The following ABCA1 variants were observed in gnomAD, a reference collection of about 807,000 sequenced individuals.
The protein encoded by ABCA1 is phospholipid-transporting ATPase ABCA1.
In ABCA1, 133 loss-of-function variants were observed where a neutral mutation model predicts 262.5. The observed-to-expected ratio is 0.51, with a 90% CI of 0.44 to 0.59. The LOEUF (loss-of-function observed/expected upper bound fraction) is 0.59, where lower values mean the gene tolerates loss of function less well. Ranked by LOEUF, ABCA1 falls within the 20% of genes least tolerant of loss-of-function variation. The pLI, the probability that ABCA1 is intolerant of heterozygous loss-of-function variation, is 0.00. For missense variants in ABCA1, 2,452 were observed against 2,777.5 expected (o/e 0.88, Z 2.63); for synonymous variants, 1,022 against 1,043.5 (o/e 0.98, Z 0.40).
chr9:104,913,691 C>T (rs1841637151), intron 1 of ABCA1, among the ~76,000 whole-genome samples: 1 of 152,188 alleles, frequency 6.6e-6, no homozygotes, highest in Admixed American at 6.5e-5. Flanking sequence ...TCTTGGGGGT[C>T]CTCACCACTC....
intron 1 of ABCA1, among the ~76,000 whole-genome samples, chr9:104,905,655 T>C (rs1841073368): frequency 1.3e-5 from 2 of 152,218 alleles, no homozygotes; most frequent in Non-Finnish European, 2.9e-5. Context: ...CAGAGCAGCA[T>C]TGTGAGACAC....
chr9:104,858,817 G>A (rs77943163), intron 6 of ABCA1, 119 bp from the exon 7 acceptor site: 17 of 1,011,418 alleles, frequency 1.7e-5, no homozygotes, highest in Admixed American at 1.3e-4. Flanking sequence ...CTTAAAACAG[G>A]TTCCATTGCA....
At chr9:104,845,640 G>C (rs1034879101) in intron 7 of ABCA1, 71 bp from the exon 8 acceptor site, 3 of 1,100,108 alleles carry the variant, frequency 2.7e-6, no homozygotes, top group Non-Finnish European at 4.1e-6. Flanking sequence ...AAATAAACAA[G>C]TGAATTAAAA....
At chr9:104,920,214 T>C (rs1842067899) in intron 1 of ABCA1, among the ~76,000 whole-genome samples, 2 of 152,226 alleles carry the variant, frequency 1.3e-5, no homozygotes, top group East Asian at 3.8e-4. Context: ...AAAATTTGGA[T>C]TATATGAGCC....
In ABCA1 at chr9:104,821,521, T is replaced by A; in HGVS notation, c.2829-15A>T. On this transcript the variant is annotated splice_polypyrimidine_tract_variant and intron_variant, in intron 19 of 49. Transcript: ENST00000374736. ...TCAGGATTGACCTGAGGACAAAAATTTAGAAGTACAGAAGTCAGGGTTGAC... is the reference window on the plus strand; with the variant it reads ...TCAGGATTGACCTGAGGACAAAAATATAGAAGTACAGAAGTCAGGGTTGAC... The A allele has an allele frequency of 6.2e-7, 1 of 1,613,556 alleles. No homozygotes were observed. Among genetic ancestry groups the A allele is most frequent in the Non-Finnish European group, 8.5e-7 (1 of 1,179,958 alleles).
chr9:104,829,318 G>C (rs1833057829), intron 14 of ABCA1, among the ~76,000 whole-genome samples, 180 bp from the exon 15 acceptor site: 1 of 152,240 alleles, frequency 6.6e-6, no homozygotes, highest in Non-Finnish European at 1.5e-5. Context: ...GCAATGTAGA[G>C]AGAAAAACGA....
chr9:104,923,719 A>G (rs904535324), intron 1 of ABCA1, among the ~76,000 whole-genome samples: 1 of 152,210 alleles, frequency 6.6e-6, no homozygotes, highest in Admixed American at 6.5e-5. Context: ...AACTAGGGAC[A>G]ATAAATGGTT....
intron 3 of ABCA1, among the ~76,000 whole-genome samples, chr9:104,888,058 G>GGGGT (rs1554744306): frequency 1.4e-5 from 2 of 140,304 alleles, no homozygotes; most frequent in African/African-American, 3.0e-5. Context: ...TTTCTTGAGG[G>GGGGT]GTGTGTGTGT....
chr9:104,807,847 C>T (rs5007363), intron 30 of ABCA1, among the ~76,000 whole-genome samples: 94,309 of 130,798 alleles, frequency 0.72, 32,762 homozygotes, highest in Non-Finnish European at 0.78. Flanking sequence ...TATATATATA[C>T]ACACACACAC....
intron 43 of ABCA1, 80 bp from the exon 44 acceptor site, chr9:104,791,108 C>A: frequency 1.1e-6 from 1 of 919,978 alleles, no homozygotes; most frequent in South Asian, 1.3e-5. Context: ...CTACCTCAAA[C>A]CTTCAATTCT....
At chr9:104,888,318 G>T (rs1180063302) in intron 3 of ABCA1, among the ~76,000 whole-genome samples, 1 of 152,126 alleles carries the variant, frequency 6.6e-6, no homozygotes, top group Non-Finnish European at 1.5e-5. Flanking sequence ...TGAAGTCCCA[G>T]CTACATTTCC....
chr9:104,883,918 T>A (rs1225255162), intron 4 of ABCA1, among the ~76,000 whole-genome samples: 5 of 152,234 alleles, frequency 3.3e-5, no homozygotes, highest in Non-Finnish European at 4.4e-5. Flanking sequence ...AGGGGCAGCA[T>A]CCTGCTTTGC....
chr9:104,874,905 G>A (rs1251426144), intron 5 of ABCA1, among the ~76,000 whole-genome samples: 4 of 151,362 alleles, frequency 2.6e-5, no homozygotes, highest in African/African-American at 4.8e-5. Flanking sequence ...CGCCCCGTCC[G>A]GGAGGTGGGG....
At chr9:104,816,018 G>T in intron 25 of ABCA1, 125 bp downstream of exon 25, 1 of 1,051,266 alleles carries the variant, frequency 9.5e-7, no homozygotes, top group Non-Finnish European at 1.5e-6. Context: ...ACATTAATCA[G>T]ATGTCGATGA....
At chr9:104,830,510 T>TGAA (rs1393646071) in intron 14 of ABCA1, among the ~76,000 whole-genome samples, 1 of 151,912 alleles carries the variant, frequency 6.6e-6, no homozygotes, top group Non-Finnish European at 1.5e-5. Flanking sequence ...GGTAACATGG[T>TGAA]GAAACCTCGT....
intron 7 of ABCA1, among the ~76,000 whole-genome samples, chr9:104,856,987 T>C (rs990346295): frequency 1.3e-5 from 2 of 152,124 alleles, no homozygotes; most frequent in Admixed American, 6.5e-5. Flanking sequence ...AAGATCCCTG[T>C]AGAGAAATAT....
intron 19 of ABCA1, 80 bp downstream of exon 19, chr9:104,822,416 G>T: frequency 6.3e-7 from 1 of 1,575,026 alleles, no homozygotes; most frequent in South Asian, 1.1e-5. Context: ...GATCAGCATG[G>T]TTTCCTAAGG....
At chr9:104,830,715 T>A (rs915938413) in intron 14 of ABCA1, among the ~76,000 whole-genome samples, 17 of 151,744 alleles carry the variant, frequency 1.1e-4, no homozygotes, top group African/African-American at 3.1e-4. Context: ...AATAAAAAGA[T>A]AAAAGTGGCA....
At chr9:104,868,309 G>A (rs1014917692) in intron 5 of ABCA1, among the ~76,000 whole-genome samples, 2 of 152,112 alleles carry the variant, frequency 1.3e-5, no homozygotes, top group East Asian at 1.9e-4. Flanking sequence ...CCGAGATCAC[G>A]CCATTGCAAT....
Sources: gnomAD v4.1 joint callset for allele counts (sites outside exome capture counted in the v4.1 genomes callset) on GRCh38, gnomAD v4.1.1 for gene constraint, MANE v1.5 for transcripts, NCBI Gene and HGNC (gene_info 2026-07-23, HGNC 2026-07-21) for gene names.